The following UGGT2 variants were observed in gnomAD, a reference collection of about 807,000 sequenced individuals.
UGGT2 encodes the protein UDP-glucose:glycoprotein glucosyltransferase 2.
In UGGT2, 180 loss-of-function variants were observed where a neutral mutation model predicts 192.1. That is an observed-to-expected ratio of 0.94 (90% CI 0.83 to 1.06). The LOEUF (loss-of-function observed/expected upper bound fraction) is 1.06, where lower values mean the gene tolerates loss of function less well. Among genes scored for constraint, UGGT2 ranks in the 50% least tolerant of loss-of-function variants. The pLI is 0.00. For synonymous variants in UGGT2, 580 were observed against 591.0 expected, an observed-to-expected ratio of 0.98 and a Z score of 0.27; for missense variants, 1,849 against 1,795.7, an observed-to-expected ratio of 1.03 and a Z score of -0.54.
intron 30 of UGGT2, among the ~76,000 whole-genome samples, chr13:95,865,638 T>C (rs919175600): frequency 6.6e-6 from 1 of 152,056 alleles, no homozygotes; most frequent in African/African-American, 2.4e-5. Context: ...AACTCCAGAG[T>C]GAGCAACAGA....
chr13:95,836,429 C>T (rs1476878151), intron 37 of UGGT2, among the ~76,000 whole-genome samples: 1 of 152,072 alleles, frequency 6.6e-6, no homozygotes, highest in Non-Finnish European at 1.5e-5. Context: ...TTAGAAAGAC[C>T]TGCTTGTAAG....
At position 95,939,986 on chromosome 13, in the gene UGGT2, T is replaced by C; in HGVS notation, c.1783A>G (p.Ile595Val). ...PHANIWDILGIHSKYDEERKA... is the reference protein window; with the variant it reads ...PHANIWDILGVHSKYDEERKA... ...CTTTCTTCATCATATTTAGAATGAA[T>C]TCCCAAAATATCCCAAATATTAGCA... The change falls in exon 16 of 39, where the codon ATT becomes GTT. Residue 595 changes from isoleucine to valine, a missense_variant. Coordinates refer to ENST00000376747, the MANE Select transcript of UGGT2 (RefSeq NM_020121.4). 6.2e-7 allele frequency: 1 copy of C among 1,602,556 alleles called. No homozygotes were observed.
chr13:95,985,417 T>C (rs1005223729), intron 9 of UGGT2: 6 of 364,414 alleles, frequency 1.6e-5, no homozygotes, highest in African/African-American at 1.3e-4. Flanking sequence ...CCATGTACTA[T>C]TTATTTACTT....
chr13:95,887,808 A>C, intron 26 of UGGT2, 84 bp downstream of exon 26: 1 of 820,206 alleles, frequency 1.2e-6, no homozygotes. Flanking sequence ...GAAAAGAAAA[A>C]ACCAGGTCCA....
intron 29 of UGGT2, among the ~76,000 whole-genome samples, chr13:95,871,112 A>T (rs1331341836): frequency 1.3e-5 from 2 of 152,246 alleles, no homozygotes; most frequent in Non-Finnish European, 2.9e-5. Flanking sequence ...AAGACATATA[A>T]AAACTGTGAT....
At position 95,915,357 on chromosome 13, in the gene UGGT2, C is replaced by T. The variant is rs962640100; in HGVS notation, c.2295+10323G>A. On this transcript the variant is annotated intron_variant, in intron 20 of 38. Transcript: ENST00000376747. ...TCCATAGCATTTCTCAGCTTCTTGA[C>T]ATGTAACTCAATTTACATATGTCTA... Among the ~76,000 whole-genome samples the T allele has an allele frequency of 9.9e-5, 15 of 152,160 alleles. 1 individual carries two copies. Among genetic ancestry groups the T allele is most frequent in the Admixed American group, 9.8e-4 (15 of 15,276 alleles).
At chr13:96,005,588 G>C (rs1417531503) in intron 5 of UGGT2, among the ~76,000 whole-genome samples, 4 of 152,212 alleles carry the variant, frequency 2.6e-5, no homozygotes, top group Non-Finnish European at 5.9e-5. Flanking sequence ...CTGAAGACGG[G>C]AGAAATGGAA....
chr13:95,913,797 T>G (rs906613505), intron 20 of UGGT2, among the ~76,000 whole-genome samples: 8 of 152,184 alleles, frequency 5.3e-5, no homozygotes, highest in African/African-American at 1.4e-4. Context: ...GTATGTTTAT[T>G]GTGGCACTAT....
chr13:95,922,164 T>G (rs2048865216), intron 20 of UGGT2, among the ~76,000 whole-genome samples: 1 of 152,252 alleles, frequency 6.6e-6, no homozygotes, highest in Non-Finnish European at 1.5e-5. Context: ...CAACATTGGC[T>G]CGGCTGGAGG....
Position 95,999,249 on chromosome 13 carries a change from C to G in UGGT2, c.719G>C (p.Ser240Thr). 6.2e-7 allele frequency: 1 copy of G among 1,613,616 alleles called. No homozygotes were observed. Among genetic ancestry groups the G allele is most frequent in the Non-Finnish European group, 8.5e-7 (1 of 1,179,720 alleles). ...ATCATCCAGTGCTTTGTATTCTGTACTCTTAATTGCTAGCTCCACACCATA... is the reference window on the plus strand; with the variant it reads ...ATCATCCAGTGCTTTGTATTCTGTAGTCTTAATTGCTAGCTCCACACCATA... ...SGYGVELAIK[S>T]TEYKALDDTQ... Residue 240 changes from serine to threonine, a missense_variant, in exon 6 of 39, where the codon AGT becomes ACT. Transcript: ENST00000376747.
intron 38 of UGGT2, among the ~76,000 whole-genome samples, chr13:95,828,759 AT>A (rs1341744655): frequency 6.6e-6 from 1 of 152,200 alleles, no homozygotes; most frequent in Non-Finnish European, 1.5e-5. Context: ...AGCTGGTTCC[AT>A]TCCTTCTGAA....
At chr13:95,964,819 G>C (rs1393269419) in intron 12 of UGGT2, among the ~76,000 whole-genome samples, 1 of 152,024 alleles carries the variant, frequency 6.6e-6, no homozygotes, top group Non-Finnish European at 1.5e-5. Flanking sequence ...CCTACAAAAT[G>C]GGAGAAAATT....
chr13:95,952,045 G>A (rs891703657), intron 12 of UGGT2, among the ~76,000 whole-genome samples: 2 of 139,742 alleles, frequency 1.4e-5, no homozygotes, highest in Non-Finnish European at 3.1e-5. Context: ...GCAATAGAGC[G>A]AGACTGTCTC....
At chr13:95,921,510 C>T (rs573591481) in intron 20 of UGGT2, among the ~76,000 whole-genome samples, 5 of 151,892 alleles carry the variant, frequency 3.3e-5, no homozygotes, top group South Asian at 2.1e-4. Context: ...GAACACTACA[C>T]GAAGTTACAG....
At chr13:95,845,176 T>C (rs1888266811) in intron 36 of UGGT2, among the ~76,000 whole-genome samples, 1 of 151,980 alleles carries the variant, frequency 6.6e-6, no homozygotes, top group Admixed American at 6.5e-5. Flanking sequence ...AGATCCTTTC[T>C]TTTAAATTTT....
chr13:96,031,683 A>T (rs2052840319), intron 2 of UGGT2, among the ~76,000 whole-genome samples: 1 of 152,184 alleles, frequency 6.6e-6, no homozygotes, highest in African/African-American at 2.4e-5. Flanking sequence ...TATATGAGGT[A>T]TCTTATAATA....
In UGGT2 at chr13:95,802,465, T is replaced by C. The variant is rs190130994; in HGVS notation, c.4529-653A>G. On this transcript the variant is annotated intron_variant, in intron 38 of 38. Coordinates refer to ENST00000376747, the MANE Select transcript of UGGT2 (RefSeq NM_020121.4). ...CAGACTATATTTCTTCACTAAATTC[T>C]ACTGGAAAGATAATAAATATAAAAA... Among the ~76,000 whole-genome samples the C allele has an allele frequency of 1.4e-4, 21 of 152,290 alleles. No homozygotes were observed. The East Asian group carries it at 3.9e-3, about 28-fold the overall frequency.
chr13:95,962,819 G>A (rs142236285), intron 12 of UGGT2, among the ~76,000 whole-genome samples: 66 of 152,130 alleles, frequency 4.3e-4, no homozygotes, highest in African/African-American at 1.5e-3. Flanking sequence ...ACCCGAGACC[G>A]GGTAATTTAA....
chr13:95,810,800 G>A, intron 38 of UGGT2, among the ~76,000 whole-genome samples: 1 of 151,986 alleles, frequency 6.6e-6, no homozygotes, highest in Non-Finnish European at 1.5e-5. Flanking sequence ...GTACCACAGA[G>A]GACATCATCA....
Sources: allele counts gnomAD v4.1 joint callset (sites outside exome capture counted in the v4.1 genomes callset), GRCh38; gene constraint gnomAD v4.1.1; transcripts MANE v1.5; gene names NCBI Gene and HGNC (gene_info 2026-07-23, HGNC 2026-07-21).